TGIF1: variants seen among roughly 807,000 people sequenced by gnomAD.
The protein encoded by TGIF1 is TGFB induced factor homeobox 1.
TGIF1 carries 4 observed loss-of-function variants against 19.3 expected under a neutral mutation model. That is an observed-to-expected ratio of 0.21 (90% confidence interval 0.10 to 0.47). The LOEUF is 0.47. Among genes scored for constraint, TGIF1 ranks in the 20% least tolerant of loss-of-function variants. The pLI is 0.98. For missense variants in TGIF1, 275 were observed against 341.4 expected (o/e 0.81, Z 1.53); for synonymous variants, 122 against 129.3 (o/e 0.94, Z 0.38).
intron 2 of TGIF1, among the ~76,000 whole-genome samples, chr18:3,423,890 C>T (rs942057508): frequency 1.3e-5 from 2 of 151,990 alleles, no homozygotes; most frequent in African/African-American, 4.8e-5. Context: ...CACCTGCCCT[C>T]GTTTCTTCCT....
At chr18:3,452,588 TGTGC>T (rs1171795644) in intron 1 of TGIF1, among the ~76,000 whole-genome samples, 1 of 152,226 alleles carries the variant, frequency 6.6e-6, no homozygotes, top group African/African-American at 2.4e-5. Flanking sequence ...ACTCGTGCAG[TGTGC>T]GGGCCGGCCT....
chr18:3,428,140 G>A (rs1025346619), intron 2 of TGIF1, among the ~76,000 whole-genome samples: 3 of 152,198 alleles, frequency 2.0e-5, no homozygotes, highest in Non-Finnish European at 4.4e-5. Flanking sequence ...GCCATGGCAA[G>A]CTCTCTCCAC....
chr18:3,426,166 CTTTTTT>C (rs10675936), intron 2 of TGIF1, among the ~76,000 whole-genome samples: 1 of 116,612 alleles, frequency 8.6e-6, no homozygotes, highest in Non-Finnish European at 1.7e-5. Context: ...GGCTAGGGTC[CTTTTTT>C]TTTTTTTTTT....
upstream of TGIF1, among the ~76,000 whole-genome samples, chr18:3,446,282 C>T (rs2143263129): frequency 6.6e-6 from 1 of 152,260 alleles, no homozygotes; most frequent in African/African-American, 2.4e-5. Context: ...CTCCCAGGTT[C>T]AAGCAACCCT....
intron 2 of TGIF1, among the ~76,000 whole-genome samples, chr18:3,422,296 TAAA>T (rs34822467): frequency 4.7e-4 from 38 of 80,410 alleles, no homozygotes; most frequent in Middle Eastern, 8.9e-3. Context: ...GTTTAAAAAG[TAAA>T]AAAAAAAAAA....
Position 3,451,281 on chromosome 18 carries a change from A to G in TGIF1, c.16+776A>G. On this transcript the variant is annotated intron_variant, in intron 1 of 2. Transcript: ENST00000343820. This position sits in a 1 kb window ranked among gnomAD's most constrained non-coding sequence, Gnocchi z 5.4. Reference sequence around the variant, plus strand: ...AGCAAGGCTGTCATTGTTTCCACGAAGTGTTCTGGAAGCTTTACAACTAAA... The same window carrying G: ...AGCAAGGCTGTCATTGTTTCCACGAGGTGTTCTGGAAGCTTTACAACTAAA... 1.2e-6 allele frequency: 1 copy of G among 841,592 alleles called. No homozygotes were observed. The highest frequency in any genetic ancestry group is 1.4e-6 in the Non-Finnish European group (1 of 699,478). The allele number at this position is 841,592 out of a possible 1,614,324, so 52.1% of individuals were successfully genotyped here.
At chr18:3,446,859 GA>G (rs151038847), upstream of TGIF1, among the ~76,000 whole-genome samples, 530 of 152,314 alleles carry the variant, frequency 3.5e-3, 6 homozygotes, top group African/African-American at 0.012. Flanking sequence ...GACTGGAAGT[GA>G]AAGAGATCCA....
At chr18:3,427,534 G>A (rs1454334893) in intron 2 of TGIF1, among the ~76,000 whole-genome samples, 3 of 149,714 alleles carry the variant, frequency 2.0e-5, no homozygotes, top group Non-Finnish European at 3.0e-5. Flanking sequence ...CAAGTGATCC[G>A]CCTGCCTCAG....
intron 1 of TGIF1, among the ~76,000 whole-genome samples, chr18:3,417,235 C>T (rs2143114224): frequency 6.6e-6 from 1 of 152,276 alleles, no homozygotes. Flanking sequence ...TCTTAGCTCA[C>T]TGCAACCTCC....
chr18:3,425,917 T>C (rs989174029), intron 2 of TGIF1, among the ~76,000 whole-genome samples: 4 of 152,122 alleles, frequency 2.6e-5, no homozygotes, highest in African/African-American at 4.8e-5. Flanking sequence ...TCTTGCGGAA[T>C]TGATTGCTTG....
intron 2 of TGIF1, among the ~76,000 whole-genome samples, chr18:3,437,811 C>T (rs535005823): frequency 6.6e-6 from 1 of 152,246 alleles, no homozygotes; most frequent in East Asian, 1.9e-4. Flanking sequence ...TGGCCGGGCA[C>T]GGTGGCTCAT....
Position 3,451,628 on chromosome 18 carries a change from C to T in TGIF1, c.16+1123C>T. ...AGACCCGGCCCGCTGCGGGGCGTTC[C>T]TGGGGGGTAGCCTCAAGGCCAGCGG... On this transcript the variant is annotated intron_variant, in intron 1 of 2. Transcript: ENST00000343820. This position sits in a 1 kb window ranked among gnomAD's most constrained non-coding sequence, Gnocchi z 5.4. 3 of 1,104,500 alleles carry T rather than the reference C, an allele frequency of 2.7e-6. No homozygotes were observed. Among genetic ancestry groups the T allele is most frequent in the Non-Finnish European group, 3.3e-6 (3 of 907,326 alleles). The allele number at this position is 1,104,500 out of a possible 1,614,324, so 68.4% of individuals were successfully genotyped here.
At chr18:3,432,561 T>G (rs985631240) in intron 2 of TGIF1, among the ~76,000 whole-genome samples, 3 of 152,156 alleles carry the variant, frequency 2.0e-5, no homozygotes, top group Admixed American at 1.3e-4. Flanking sequence ...CACACTGAAG[T>G]ATTTAGGGCA....
At chr18:3,428,799 T>C (rs2082508965) in intron 2 of TGIF1, among the ~76,000 whole-genome samples, 1 of 151,946 alleles carries the variant, frequency 6.6e-6, no homozygotes, top group African/African-American at 2.4e-5. Context: ...CCTAGCACTT[T>C]GGGAGGCCAA....
At chr18:3,455,004 A>C (rs1032494119) in intron 1 of TGIF1, 1 of 152,200 alleles carries the variant, frequency 6.6e-6, no homozygotes, top group African/African-American at 2.4e-5. Context: ...TGTCAAGGGG[A>C]ACTGGCTCAA....
chr18:3,416,392 G>A (rs563333438), intron 1 of TGIF1, among the ~76,000 whole-genome samples: 2 of 152,002 alleles, frequency 1.3e-5, no homozygotes, highest in Non-Finnish European at 1.5e-5. Flanking sequence ...TATGGCACGC[G>A]CCTGTAATCC....
chr18:3,430,642 C>T (rs1478204540), intron 2 of TGIF1, among the ~76,000 whole-genome samples: 1 of 151,364 alleles, frequency 6.6e-6, no homozygotes, highest in Non-Finnish European at 1.5e-5. Context: ...GTAGCTGGGA[C>T]TACAGGCCCA....
upstream of TGIF1, chr18:3,449,342 C>G: frequency 1.0e-6 from 1 of 981,756 alleles, no homozygotes; most frequent in Non-Finnish European, 1.2e-6. Flanking sequence ...GGTTCGGCGA[C>G]TCGGGGTGTC....
chr18:3,429,423 T>G (rs1483078828), intron 2 of TGIF1, among the ~76,000 whole-genome samples: 1 of 151,800 alleles, frequency 6.6e-6, no homozygotes, highest in African/African-American at 2.4e-5. Flanking sequence ...ACAGTTATTT[T>G]CTCAACTATG....
Sources: allele counts gnomAD v4.1 joint callset (sites outside exome capture counted in the v4.1 genomes callset), GRCh38; gene constraint gnomAD v4.1.1; non-coding constraint Gnocchi (gnomAD v3.1); transcripts MANE v1.5; gene names NCBI Gene and HGNC (gene_info 2026-07-23, HGNC 2026-07-21).